The following ALOX12 variants were observed in gnomAD, a reference collection of about 807,000 sequenced individuals.
ALOX12 encodes the protein polyunsaturated fatty acid lipoxygenase ALOX12.
ALOX12 carries 62 observed loss-of-function variants against 85.5 expected under a neutral mutation model. That is an observed-to-expected ratio of 0.73 (90% confidence interval 0.59 to 0.90). ALOX12 has a LOEUF of 0.90. Ranked by LOEUF, ALOX12 falls within the 40% of genes least tolerant of loss-of-function variation. The pLI is 0.00. For synonymous variants in ALOX12, 299 were observed against 332.7 expected (o/e 0.90, Z 1.10); for missense variants, 751 against 856.5 (o/e 0.88, Z 1.54).
chr17:6,998,710 C>T lies in ALOX12; in HGVS notation c.420-5C>T. 1 of 1,599,700 alleles carries T rather than the reference C, an allele frequency of 6.3e-7. No homozygotes were observed. The highest frequency in any genetic ancestry group is 1.1e-5 in the South Asian group (1 of 90,782). On this transcript the variant is annotated splice_region_variant and splice_polypyrimidine_tract_variant and intron_variant, in intron 3 of 13. Coordinates refer to ENST00000251535, the MANE Select transcript of ALOX12 (RefSeq NM_000697.3). ...CCTTCCTGAAGCTTTGTCCCCAACT[C>T]CTAGCTGGGCCACCTGGAAGGAAGG...
rs1383684608 is a variant in ALOX12 at position 7,009,508 on chromosome 17, T to G, written c.1541-239T>G. On this transcript the variant is annotated intron_variant, in intron 11 of 13. Transcript: ENST00000251535. ...TGATTTTGATACATCATCTCATTTA[T>G]AATGTAGGTATCGTCCATATTTTAC... 3 of 485,958 alleles carry G rather than the reference T, an allele frequency of 6.2e-6. No homozygotes were observed. The East Asian group carries it at 1.0e-4, about 17-fold the overall frequency. The allele number at this position is 485,958 out of a possible 1,614,324, so 30.1% of individuals were successfully genotyped here. A position where few individuals can be genotyped will look rare whatever the true frequency, so the allele number is the denominator to read the frequency against.
In ALOX12 at chr17:6,997,411, A is replaced by G. The variant is rs1004338382; in HGVS notation, c.337+384A>G. Among the ~76,000 whole-genome samples, 7 of 152,120 alleles carry G rather than the reference A, an allele frequency of 4.6e-5. No homozygotes were observed. In the South Asian group the frequency reaches 1.5e-3, roughly 32 times the overall value. On this transcript the variant is annotated intron_variant, in intron 2 of 13. Coordinates refer to ENST00000251535, the MANE Select transcript of ALOX12 (RefSeq NM_000697.3). ...CACATGGAACAGGAGGGGGTGGGTG[A>G]CCCGTGAGAGCAGACAGCTAAGGGA...
rs763807267 is a variant in ALOX12 at position 7,009,864 on chromosome 17, G to C, written c.1641+17G>C. ...CAGGGCCAGGTATGGACAGCTGAAA[G>C]CCCAGGTCCCTGAAGGCAAGGTGAC... On this transcript the variant is annotated intron_variant, in intron 12 of 13. Transcript: ENST00000251535. 8 of 1,613,958 alleles carry C rather than the reference G, an allele frequency of 5.0e-6. No homozygotes were observed. In the African/African-American group the frequency reaches 9.3e-5, roughly 19 times the overall value.
intron 8 of ALOX12, chr17:7,002,640 G>GAAAT: frequency 2.6e-6 from 1 of 379,264 alleles, no homozygotes; most frequent in South Asian, 1.9e-5. Flanking sequence ...AAGAAAGAAA[G>GAAAT]AAAGAAATAC....
chr17:6,999,899 C>T (rs945045748), intron 6 of ALOX12, among the ~76,000 whole-genome samples: 6 of 152,084 alleles, frequency 3.9e-5, no homozygotes, highest in Non-Finnish European at 7.4e-5. Context: ...GTGCTGTATG[C>T]GGTGGCAGGG....
chr17:7,009,721 C>G (rs768982741), intron 11 of ALOX12, 26 bp from the exon 12 acceptor site: 1 of 1,591,236 alleles, frequency 6.3e-7, no homozygotes, highest in South Asian at 1.1e-5. Flanking sequence ...GCTGTAGCTT[C>G]TAACTGCTAT....
At chr17:7,006,122 G>A (rs1909058516) in intron 10 of ALOX12, 95 bp downstream of exon 10, 1 of 991,832 alleles carries the variant, frequency 1.0e-6, no homozygotes, top group Non-Finnish European at 1.5e-6. Context: ...GTCCAGAAAG[G>A]AGAAGCAGAG....
rs962011591 is a variant in ALOX12 at position 6,996,241 on chromosome 17, G to A, written c.124G>A (p.Ala42Thr). 4.0e-6 allele frequency: 5 copies of A among 1,243,454 alleles called. No individual in the cohort carries two copies. In the African/African-American group the frequency reaches 6.2e-5, roughly 15 times the overall value. The allele number at this position is 1,243,454 out of a possible 1,614,324, so 77.0% of individuals were successfully genotyped here. ...GGAGCTGGAGCTGCAGCTGCGGCCCGCGCGGGGCGAGGTCAGCGCGGGGAG... is the reference window on the plus strand; with the variant it reads ...GGAGCTGGAGCTGCAGCTGCGGCCCACGCGGGGCGAGGTCAGCGCGGGGAG... ...EAELELQLRP[A>T]RGEEEEFDHD... The change falls in exon 1 of 14, where the codon GCG (alanine) becomes ACG (threonine). Residue 42 changes from alanine to threonine, a missense_variant. Transcript: ENST00000251535.
chr17:7,004,371 T>TA (rs1218309227), intron 8 of ALOX12, among the ~76,000 whole-genome samples: 1 of 110,822 alleles, frequency 9.0e-6, no homozygotes, highest in African/African-American at 3.3e-5. Context: ...TTAATATTAA[T>TA]TTAATTTAAT....
At position 7,000,030 on chromosome 17, in the gene ALOX12, A is replaced by C. The variant is rs991923005; in HGVS notation, c.808-306A>C. ...GAGCGCAGACCATTCGGGAATGATCAGAAAGGGGCCTGGCCATTTGACAGG... is the reference window on the plus strand; with the variant it reads ...GAGCGCAGACCATTCGGGAATGATCCGAAAGGGGCCTGGCCATTTGACAGG... On this transcript the variant is annotated intron_variant, in intron 6 of 13. Transcript: ENST00000251535. The surrounding 1 kb of genome is among the most constrained non-coding windows in gnomAD (Gnocchi z 4.6). 6.6e-6 allele frequency among the ~76,000 whole-genome samples: 1 copy of C among 152,194 alleles called. No homozygotes were observed. The highest frequency in any genetic ancestry group is 2.4e-5 in the African/African-American group (1 of 41,454).
At chr17:6,999,265 A>G in intron 5 of ALOX12, 41 bp from the exon 6 acceptor site, 2 of 1,612,748 alleles carry the variant, frequency 1.2e-6, no homozygotes, top group South Asian at 2.2e-5. Context: ...AGGGATATGC[A>G]GGCTGTGGTA....
At chr17:6,998,648 C>A (rs1908562543) in intron 3 of ALOX12, 58 bp downstream of exon 3, 1 of 1,609,910 alleles carries the variant, frequency 6.2e-7, no homozygotes, top group Non-Finnish European at 8.5e-7. Flanking sequence ...TTCCCTGCCC[C>A]TGCCCCTGCC....
chr17:6,996,876 C>A lies in ALOX12; in HGVS notation c.186C>A (p.Phe62Leu). ...DVAEDLGLLQ[F>L]VRLRKHHWLV... is the part of the protein sequence containing the mutation. ...CAGAGGACTTGGGGCTCCTGCAGTT[C>A]GTGAGGCTGCGCAAGCACCACTGGC... is the stretch of plus-strand genomic sequence containing the variant. Residue 62 changes from phenylalanine (F) to leucine (L), a missense_variant, in exon 2 of 14, where the codon TTC (phenylalanine) becomes TTA (leucine). Physicochemically the swap from Phe to Leu is conservative, Grantham distance 22. Coordinates refer to ENST00000251535, the MANE Select transcript of ALOX12 (RefSeq NM_000697.3). 6.2e-7 allele frequency: 1 copy of A among 1,614,006 alleles called. No homozygotes were observed. Among genetic ancestry groups the A allele is most frequent in the Non-Finnish European group, 8.5e-7 (1 of 1,179,886 alleles).
Position 7,005,355 on chromosome 17 carries a change from A to G in ALOX12, c.1248+12A>G, listed in dbSNP as rs770234434. The G allele has an allele frequency of 6.2e-7, 1 of 1,601,766 alleles. No individual in the cohort carries two copies. Among genetic ancestry groups the G allele is most frequent in the Non-Finnish European group, 8.6e-7 (1 of 1,169,294 alleles). ...GAATTTTTGATAAGGTGAGGAGGGT[A>G]CGGGGCATGGGACTGCCTCATCCAT... On this transcript the variant is annotated intron_variant, in intron 9 of 13. Transcript: ENST00000251535.
chr17:6,999,529 G>C lies in ALOX12; in HGVS notation c.807+63G>C, dbSNP rs1908609175. The stretch of plus-strand genomic sequence containing the variant: ...TAGTAGTGTGGTGAGAACGGACAGA[G>C]AGAATCCAAACTGAGTCAGAGGAAG... On this transcript the variant is annotated intron_variant, in intron 6 of 13. Transcript: ENST00000251535. The C allele has an allele frequency of 1.9e-6, 3 of 1,567,424 alleles. No individual in the cohort carries two copies. The African/African-American group carries it at 4.1e-5, about 21-fold the overall frequency.
intron 11 of ALOX12, among the ~76,000 whole-genome samples, chr17:7,008,706 A>C (rs189815092): frequency 4.0e-5 from 6 of 151,848 alleles, no homozygotes; most frequent in Non-Finnish European, 8.8e-5. Context: ...AGATTGTGCC[A>C]CTGCACTCCA....
rs138589208 is a variant in ALOX12, at chr17:6,996,847, G to A, written c.157G>A (p.Val53Ile). The A allele has an allele frequency of 1.3e-4, 210 of 1,613,738 alleles. No homozygotes were observed. The African/African-American group carries it at 2.5e-3, about 19-fold the overall frequency. ...ACAGGAGGAGGAGTTTGATCATGAC[G>A]TTGCAGAGGACTTGGGGCTCCTGCA... The part of the protein sequence containing the change: ...RGEEEEFDHD[V>I]AEDLGLLQFV... The change falls in exon 2 of 14, where the codon GTT (valine) becomes ATT (isoleucine). Residue 53 changes from valine (V) to isoleucine (I), a missense_variant. Transcript: ENST00000251535.
chr17:7,009,896 G>T (rs1909297349), intron 12 of ALOX12, 49 bp downstream of exon 12: 1 of 1,613,820 alleles, frequency 6.2e-7, no homozygotes, highest in Non-Finnish European at 8.5e-7. Context: ...TGACCTGAGG[G>T]AGAGATGGGA....
Position 7,006,059 on chromosome 17 carries a change from CCGGGGGGG to C in ALOX12, c.1418+33_1418+40del, listed in dbSNP as rs534101934. The C allele has an allele frequency of 3.1e-3, 414 of 135,680 alleles. 125 individuals are homozygous for C. In the South Asian group the frequency reaches 0.042, roughly 14 times the overall value. 8.4% of individuals were successfully genotyped at this position (135,680 alleles called of 1,614,324 possible). ...AAGGAGGAGCTGAGAAATGGTGGGG[CCGGGGGGG>C]GGGGGGGCTCTGGCCTGAGGCCAGC... is the stretch of plus-strand genomic sequence containing the variant. On this transcript the variant is annotated intron_variant, in intron 10 of 13. Transcript: ENST00000251535.
Sources: allele counts gnomAD v4.1 joint callset (sites outside exome capture counted in the v4.1 genomes callset), GRCh38; gene constraint gnomAD v4.1.1; non-coding constraint Gnocchi (gnomAD v3.1); transcripts MANE v1.5; gene names NCBI Gene and HGNC (gene_info 2026-07-23, HGNC 2026-07-21).